The following SAMD12 variants were observed in gnomAD, a reference collection of about 807,000 sequenced individuals.
SAMD12 encodes the protein sterile alpha motif domain-containing protein 12.
Under a neutral mutation model 15.0 loss-of-function variants are expected in SAMD12, and 9 were observed. The observed-to-expected ratio is 0.60, with a 90% CI of 0.36 to 1.05. SAMD12 has a LOEUF of 1.05. Among genes scored for constraint, SAMD12 ranks in the 50% least tolerant of loss-of-function variants. SAMD12 has a pLI of 0.01. For missense variants in SAMD12, 230 were observed against 234.2 expected (o/e 0.98, Z 0.12); for synonymous variants, 86 against 90.1 (o/e 0.96, Z 0.25).
intron 4 of SAMD12, among the ~76,000 whole-genome samples, chr8:118,300,522 T>C (rs1324122937): frequency 6.6e-6 from 1 of 152,174 alleles, no homozygotes; most frequent in Non-Finnish European, 1.5e-5. Flanking sequence ...GGCTGGGAAA[T>C]GCAGTCTTTC....
chr8:118,236,022 C>T (rs904881037), intron 4 of SAMD12, among the ~76,000 whole-genome samples: 8 of 152,120 alleles, frequency 5.3e-5, no homozygotes, highest in African/African-American at 1.9e-4. Flanking sequence ...AGTAATAGGA[C>T]CCACCTTCTA....
chr8:118,456,131 T>C (rs1823243383), intron 2 of SAMD12, among the ~76,000 whole-genome samples: 1 of 152,224 alleles, frequency 6.6e-6, no homozygotes, highest in Non-Finnish European at 1.5e-5. Context: ...CATCTTCTAC[T>C]CTTCTTTGTC....
intron 4 of SAMD12, among the ~76,000 whole-genome samples, chr8:118,264,783 A>G (rs1261613265): frequency 1.3e-5 from 2 of 152,158 alleles, no homozygotes; most frequent in Admixed American, 6.6e-5. Context: ...TAGATGTGAC[A>G]GCATAGCAAG....
rs1387403548 is a variant in SAMD12 at position 118,447,714 on chromosome 8, A to ATTTG, written c.193-7754_193-7753insCAAA. On this transcript the variant is annotated intron_variant, in intron 2 of 3. Transcript: ENST00000314727. ...TATTTTTTATTTTTAATATTTATTT[A>ATTTG]TTTATTTATTTATTTATTTATTTAT... is the stretch of plus-strand genomic sequence containing the variant. Among the ~76,000 whole-genome samples the ATTTG allele has an allele frequency of 6.3e-5, 9 of 142,720 alleles. No individual in the cohort carries two copies. In the East Asian group the frequency reaches 1.8e-3, roughly 28 times the overall value. 93.6% of individuals were successfully genotyped at this position (142,720 alleles called of 152,430 possible).
intron 4 of SAMD12, among the ~76,000 whole-genome samples, chr8:118,296,962 A>G (rs1814745805): frequency 6.6e-6 from 1 of 152,232 alleles, no homozygotes; most frequent in Non-Finnish European, 1.5e-5. Context: ...ATTCTGGTCT[A>G]AAACATGCTA....
intron 1 of SAMD12, among the ~76,000 whole-genome samples, chr8:118,595,003 G>A (rs558606457): frequency 2.6e-5 from 4 of 152,072 alleles, no homozygotes; most frequent in South Asian, 4.2e-4. Context: ...AAATAATGTC[G>A]TTGTTCATCA....
chr8:118,189,398 G>T (rs145027214), downstream of SAMD12: 1 of 152,258 alleles, frequency 6.6e-6, no homozygotes, highest in Admixed American at 6.5e-5. Flanking sequence ...GAAGAAAATA[G>T]AAAAGTTTAA....
the SAMD12 span, among the ~76,000 whole-genome samples, chr8:118,143,725 A>C: frequency 6.6e-6 from 1 of 152,200 alleles, no homozygotes; most frequent in Non-Finnish European, 1.5e-5. Flanking sequence ...AGAGTATATC[A>C]ATCAGAGAAG....
At chr8:118,430,539 T>C (rs1822370027) in intron 3 of SAMD12, among the ~76,000 whole-genome samples, 1 of 152,104 alleles carries the variant, frequency 6.6e-6, no homozygotes. Context: ...ATTTTTGTAT[T>C]TTTAGTAGAG....
At chr8:118,332,462 C>A (rs540566713) in intron 4 of SAMD12, among the ~76,000 whole-genome samples, 1 of 152,208 alleles carries the variant, frequency 6.6e-6, no homozygotes, top group Non-Finnish European at 1.5e-5. Flanking sequence ...TAATTTGACT[C>A]ATTTCCCAAA....
intron 2 of SAMD12, among the ~76,000 whole-genome samples, chr8:118,449,811 A>C (rs1425855684): frequency 6.8e-6 from 1 of 147,166 alleles, no homozygotes. Flanking sequence ...AAAAAAAAAA[A>C]AAAAAACAAC....
chr8:118,376,042 C>T (rs1421359798), downstream of SAMD12, among the ~76,000 whole-genome samples: 1 of 152,122 alleles, frequency 6.6e-6, no homozygotes, highest in Non-Finnish European at 1.5e-5. Context: ...TAAGAGTACA[C>T]CAATGCCTGG....
intron 1 of SAMD12, among the ~76,000 whole-genome samples, chr8:118,602,208 G>A (rs1036456440): frequency 3.9e-5 from 6 of 152,144 alleles, no homozygotes; most frequent in African/African-American, 1.2e-4. Context: ...AAGGTATTTC[G>A]GTTTGCACAA....
intron 2 of SAMD12, among the ~76,000 whole-genome samples, chr8:118,579,517 C>T (rs1244191865): frequency 6.6e-6 from 1 of 152,140 alleles, no homozygotes; most frequent in East Asian, 1.9e-4. Flanking sequence ...CACACACATA[C>T]TTAATGTCAA....
At chr8:118,546,623 G>A (rs1826134955) in intron 2 of SAMD12, among the ~76,000 whole-genome samples, 2 of 152,058 alleles carry the variant, frequency 1.3e-5, no homozygotes, top group Admixed American at 1.3e-4. Context: ...TTTAATAGCA[G>A]GCAAACCACA....
intron 2 of SAMD12, among the ~76,000 whole-genome samples, chr8:118,576,712 T>C (rs1827161358): frequency 6.6e-6 from 1 of 152,226 alleles, no homozygotes; most frequent in African/African-American, 2.4e-5. Context: ...GAAACTGCTA[T>C]GTGGAACCAC....
chr8:118,498,572 T>C (rs1270836514), intron 2 of SAMD12, among the ~76,000 whole-genome samples: 1 of 152,204 alleles, frequency 6.6e-6, no homozygotes, highest in Admixed American at 6.5e-5. Context: ...GCTAGCTGTT[T>C]AATAATAATG....
chr8:118,559,461 C>CT (rs2131206604), intron 2 of SAMD12, among the ~76,000 whole-genome samples: 1 of 152,298 alleles, frequency 6.6e-6, no homozygotes, highest in Admixed American at 6.5e-5. Flanking sequence ...TTGCAGTTTC[C>CT]TTTTTGTTTT....
intron 1 of SAMD12, among the ~76,000 whole-genome samples, chr8:118,616,850 G>T (rs963175366): frequency 2.0e-5 from 3 of 152,184 alleles, no homozygotes; most frequent in East Asian, 1.9e-4. Context: ...GATCAACAGA[G>T]GCATTAGATT....
Sources: gnomAD v4.1 joint callset for allele counts (sites outside exome capture counted in the v4.1 genomes callset) on GRCh38, gnomAD v4.1.1 for gene constraint, MANE v1.5 for transcripts, NCBI Gene and HGNC (gene_info 2026-07-23, HGNC 2026-07-21) for gene names.